Variants in FAM53A observed in about 807,000 individuals in gnomAD.
FAM53A encodes the protein protein FAM53A.
FAM53A carries 28 observed loss-of-function variants against 26.6 expected under a neutral mutation model. That is an observed-to-expected ratio of 1.05 (90% confidence interval 0.78 to 1.45). The LOEUF (loss-of-function observed/expected upper bound fraction) is 1.45, where lower values mean the gene tolerates loss of function less well. Among genes scored for constraint, FAM53A ranks in the 40% most tolerant of loss-of-function variants. The pLI, the probability that FAM53A is intolerant of heterozygous loss-of-function variation, is 0.00. For missense variants in FAM53A, 650 were observed against 575.8 expected (o/e 1.13, Z -1.32); for synonymous variants, 290 against 253.1 (o/e 1.15, Z -1.38).
At chr4:1,578,921 GGAGAGAAGAGGGGGAGGA>G in the FAM53A span, among the ~76,000 whole-genome samples, 1 of 109,794 alleles carries the variant, frequency 9.1e-6, no homozygotes, top group Admixed American at 8.5e-5. Flanking sequence ...GAGGGGGAGG[GGAGAGAAGAGGGGGAGGA>G]GAGGGGTCGC....
At chr4:1,635,225 T>C (rs1473002168), downstream of FAM53A, among the ~76,000 whole-genome samples, 2 of 152,198 alleles carry the variant, frequency 1.3e-5, no homozygotes, top group South Asian at 4.1e-4. Flanking sequence ...AAGAAAACCT[T>C]GTGGGTCTTC....
the FAM53A span, among the ~76,000 whole-genome samples, chr4:1,611,831 G>C: frequency 3.9e-5 from 6 of 152,222 alleles, no homozygotes; most frequent in African/African-American, 1.4e-4. Context: ...AGAGAGAAGG[G>C]ACGACTCCAG....
the FAM53A span, among the ~76,000 whole-genome samples, chr4:1,609,521 G>A: frequency 8.5e-5 from 13 of 152,240 alleles, no homozygotes; most frequent in African/African-American, 3.1e-4. Context: ...GACAACAAGT[G>A]AGTCTCACGA....
intron 4 of FAM53A, among the ~76,000 whole-genome samples, chr4:1,649,842 T>G (rs62287689): frequency 1.4e-5 from 2 of 143,918 alleles, no homozygotes; most frequent in African/African-American, 2.6e-5. Flanking sequence ...GTGGCTCAGG[T>G]GTGGTGTTTG....
intron 1 of FAM53A, among the ~76,000 whole-genome samples, chr4:1,633,890 G>A (rs1224612906): frequency 6.6e-6 from 1 of 152,160 alleles, no homozygotes; most frequent in East Asian, 1.9e-4. Context: ...AAAGAGAAAA[G>A]GGGGCATGAC....
chr4:1,604,777 C>G, the FAM53A span, among the ~76,000 whole-genome samples: 1 of 152,270 alleles, frequency 6.6e-6, no homozygotes, highest in South Asian at 2.1e-4. Flanking sequence ...CCCCGCCCCA[C>G]TCCAGAAAAA....
At chr4:1,599,186 CG>C in the FAM53A span, among the ~76,000 whole-genome samples, 2 of 147,570 alleles carry the variant, frequency 1.4e-5, no homozygotes, top group African/African-American at 5.2e-5. The surrounding 1 kb of genome is among the most constrained non-coding windows in gnomAD (Gnocchi z 6.1). Flanking sequence ...CAACCCCGCC[CG>C]GGACTTCGCC....
intron 4 of FAM53A, among the ~76,000 whole-genome samples, chr4:1,648,336 T>C (rs1284112835): frequency 1.3e-5 from 2 of 152,046 alleles, no homozygotes; most frequent in South Asian, 2.1e-4. Flanking sequence ...TGAAGACTGG[T>C]TGGCTGACAG....
the FAM53A span, among the ~76,000 whole-genome samples, chr4:1,580,553 G>A: frequency 7.2e-6 from 1 of 139,762 alleles, no homozygotes; most frequent in African/African-American, 2.7e-5. Context: ...AGGGAGCCGG[G>A]CCCCACCTCC....
At chr4:1,668,033 G>A (rs1030801409) in intron 2 of FAM53A, among the ~76,000 whole-genome samples, 22 of 152,326 alleles carry the variant, frequency 1.4e-4, no homozygotes, top group African/African-American at 3.8e-4. Context: ...CTGGCGGGGT[G>A]CAGTCTGCTG....
chr4:1,592,749 G>A, the FAM53A span, among the ~76,000 whole-genome samples: 48 of 152,288 alleles, frequency 3.2e-4, no homozygotes, highest in African/African-American at 1.1e-3. Context: ...AACAGAGTTC[G>A]CCGCAGAGCC....
the FAM53A span, among the ~76,000 whole-genome samples, chr4:1,581,261 C>A: frequency 6.7e-6 from 1 of 149,974 alleles, no homozygotes; most frequent in Admixed American, 6.6e-5. Flanking sequence ...CCCCGCTTCC[C>A]ACTCAGAGCC....
chr4:1,645,767 G>T (rs1267252397), intron 4 of FAM53A, among the ~76,000 whole-genome samples: 1 of 152,232 alleles, frequency 6.6e-6, no homozygotes, highest in Non-Finnish European at 1.5e-5. Context: ...GAGAAGGTCT[G>T]AGAAAACAAG....
chr4:1,586,617 A>AAT, the FAM53A span, among the ~76,000 whole-genome samples: 1 of 151,496 alleles, frequency 6.6e-6, no homozygotes, highest in Non-Finnish European at 1.5e-5. Flanking sequence ...CTACTAAAAA[A>AAT]ATATATATAT....
chr4:1,677,752 C>T (rs1715141038), intron 1 of FAM53A, among the ~76,000 whole-genome samples: 1 of 152,162 alleles, frequency 6.6e-6, no homozygotes, highest in South Asian at 2.1e-4. Flanking sequence ...TGAGACCAGC[C>T]TGGCCAACAT....
Position 1,651,913 on chromosome 4 carries a change from C to T in FAM53A, c.882+3065G>A, listed in dbSNP as rs551415521. Among the ~76,000 whole-genome samples the T allele has an allele frequency of 3.9e-5, 6 of 152,052 alleles. No individual in the cohort carries two copies. In the South Asian group the frequency reaches 1.0e-3, roughly 26 times the overall value. On this transcript the variant is annotated intron_variant, in intron 4 of 4. Coordinates refer to ENST00000308132, the MANE Select transcript of FAM53A (RefSeq NM_001174070.3). ...CAGTTCCCACACAGCGGGGGTTTCT[C>T]CTCCCAGAGAGAAACCAGGCACCCA...
At chr4:1,587,209 T>G in the FAM53A span, among the ~76,000 whole-genome samples, 1 of 152,238 alleles carries the variant, frequency 6.6e-6, no homozygotes, top group Non-Finnish European at 1.5e-5. Context: ...CTCTGCTGAT[T>G]GTTTCCTTTA....
At chr4:1,595,331 G>C in the FAM53A span, among the ~76,000 whole-genome samples, 3 of 152,246 alleles carry the variant, frequency 2.0e-5, no homozygotes, top group South Asian at 6.2e-4. Context: ...CCATTGGACA[G>C]TGGCCAGGAC....
downstream of FAM53A, among the ~76,000 whole-genome samples, chr4:1,635,006 C>T (rs914861213): frequency 6.6e-5 from 10 of 152,106 alleles, no homozygotes; most frequent in African/African-American, 2.4e-4. Flanking sequence ...GGACTATTTA[C>T]AGGTTCTCTT....
Sources: allele counts gnomAD v4.1 joint callset (sites outside exome capture counted in the v4.1 genomes callset), GRCh38; gene constraint gnomAD v4.1.1; non-coding constraint Gnocchi (gnomAD v3.1); transcripts MANE v1.5; gene names NCBI Gene and HGNC (gene_info 2026-07-23, HGNC 2026-07-21).